The following ADPRM variants were observed in gnomAD, a reference collection of about 807,000 sequenced individuals.
ADPRM encodes manganese-dependent ADP-ribose/CDP-alcohol diphosphatase.
ADPRM carries 17 observed loss-of-function variants against 27.2 expected under a neutral mutation model. The observed-to-expected ratio is 0.63, with a 90% CI of 0.43 to 0.94. The LOEUF is 0.94. ADPRM is among the 40% of genes least tolerant of loss of function. The probability of loss-of-function intolerance (pLI) is 0.00; values close to 1 mark genes in which losing one functional copy is unlikely to be tolerated. For synonymous variants in ADPRM, 135 were observed against 145.3 expected (o/e 0.93, Z 0.51); for missense variants, 337 against 412.8 (o/e 0.82, Z 1.59).
intron 3 of ADPRM, among the ~76,000 whole-genome samples, chr17:10,709,410 C>T (rs1035810030): frequency 6.6e-6 from 1 of 152,130 alleles, no homozygotes; most frequent in African/African-American, 2.4e-5. Flanking sequence ...ATCACCAGTG[C>T]ATTCAGTATA....
chr17:10,706,591 A>C, intron 3 of ADPRM, 37 bp downstream of exon 3: 1 of 1,423,144 alleles, frequency 7.0e-7, no homozygotes, highest in Non-Finnish European at 9.4e-7. Context: ...CTAACATTTT[A>C]GAGATTGGGA....
chr17:10,699,611 G>A (rs948916451), intron 1 of ADPRM, among the ~76,000 whole-genome samples: 7 of 138,924 alleles, frequency 5.0e-5, no homozygotes, highest in Admixed American at 2.4e-4. Context: ...TGCAACCTCC[G>A]CCTCCTGGGT....
chr17:10,710,191 T>C (rs989994403), intron 3 of ADPRM, among the ~76,000 whole-genome samples: 3 of 152,172 alleles, frequency 2.0e-5, no homozygotes, highest in Non-Finnish European at 4.4e-5. Context: ...AACCTCCACC[T>C]CCCGGGTTCA....
intron 1 of ADPRM, among the ~76,000 whole-genome samples, chr17:10,701,621 G>A (rs528728157): frequency 1.3e-5 from 2 of 152,258 alleles, no homozygotes; most frequent in Admixed American, 6.5e-5. Context: ...GAGCCACCAC[G>A]CCTGGCCTAT....
At chr17:10,710,058 A>G (rs1022589440) in intron 3 of ADPRM, among the ~76,000 whole-genome samples, 1 of 151,998 alleles carries the variant, frequency 6.6e-6, no homozygotes, top group East Asian at 1.9e-4. Context: ...TCAATGACAC[A>G]TAATCCATGG....
At chr17:10,704,071 TG>T (rs1184804510) in intron 1 of ADPRM, among the ~76,000 whole-genome samples, 4 of 152,072 alleles carry the variant, frequency 2.6e-5, no homozygotes, top group Non-Finnish European at 5.9e-5. Context: ...GGGCTGGGTG[TG>T]GTGTCTCTTA....
At chr17:10,700,758 T>C (rs2151461554) in intron 1 of ADPRM, among the ~76,000 whole-genome samples, 1 of 146,746 alleles carries the variant, frequency 6.8e-6, no homozygotes, top group Admixed American at 6.8e-5. Context: ...AGCCAGACCC[T>C]GTCTCAGGAA....
intron 1 of ADPRM, 151 bp from the exon 2 acceptor site, chr17:10,704,759 C>A: frequency 1.7e-6 from 1 of 600,472 alleles, no homozygotes; most frequent in Non-Finnish European, 2.9e-6. Flanking sequence ...TAGTTTAGAC[C>A]TAAGACTGTT....
At position 10,710,964 on chromosome 17, in the gene ADPRM, C is replaced by T; in HGVS notation, c.849C>T (p.Gly283=). ...TTGCTGGTCACACCCATGATGGTGG[C>T]TACTCTGAGGATCCTTTTGGTGTAT... The part of the protein sequence containing the change: ...CFFAGHTHDG[G]YSEDPFGVYH... Residue 283 remains glycine, a synonymous_variant, in exon 4 of 4, where the codon GGC becomes GGT. Transcript: ENST00000379774. 1 of 1,614,146 alleles carries T rather than the reference C, an allele frequency of 6.2e-7. No individual in the cohort carries two copies. The highest frequency in any genetic ancestry group is 8.5e-7 in the Non-Finnish European group (1 of 1,180,038).
Position 10,705,605 on chromosome 17 carries a change from G to A in ADPRM, c.601+78G>A. ...GCTACCTTTTATTCAGCAGGAAGAT[G>A]GACAATTAAGGTAAAAGTATATTGT... On this transcript the variant is annotated intron_variant, in intron 2 of 3. Coordinates refer to ENST00000379774, the MANE Select transcript of ADPRM (RefSeq NM_020233.5). This position sits in a 1 kb window ranked among gnomAD's most constrained non-coding sequence, Gnocchi z 5.4. 2 of 1,536,000 alleles carry A rather than the reference G, an allele frequency of 1.3e-6. No homozygotes were observed. The highest frequency in any genetic ancestry group is 1.7e-6 in the Non-Finnish European group (2 of 1,145,916).
chr17:10,702,630 C>T lies in ADPRM; in HGVS notation c.-17-2280C>T, dbSNP rs1321284207. On this transcript the variant is annotated intron_variant, in intron 1 of 3. Coordinates refer to ENST00000379774, the MANE Select transcript of ADPRM (RefSeq NM_020233.5). The surrounding 1 kb of genome is among the most constrained non-coding windows in gnomAD (Gnocchi z 4.2). ...ATCAGCGTTTGTAGTAGTGGCAGTG[C>T]CTGTCCCAGGGCTGATGCTTATTGT... Among the ~76,000 whole-genome samples, 1 of 152,156 alleles carries T rather than the reference C, an allele frequency of 6.6e-6. No individual in the cohort carries two copies. The highest frequency in any genetic ancestry group is 1.5e-5 in the Non-Finnish European group (1 of 68,034).
At chr17:10,704,486 CA>C (rs201571510) in intron 1 of ADPRM, among the ~76,000 whole-genome samples, 1,106 of 76,744 alleles carry the variant, frequency 0.014, 5 homozygotes, top group African/African-American at 0.039. Context: ...CACAGCTTTC[CA>C]AAAAAAAAAA....
chr17:10,698,828 G>T (rs777965104), intron 1 of ADPRM, among the ~76,000 whole-genome samples: 1 of 152,124 alleles, frequency 6.6e-6, no homozygotes, highest in African/African-American at 2.4e-5. Context: ...CTGTGGGTAG[G>T]ATTTTTGCTC....
At chr17:10,704,029 G>GA (rs1422648316) in intron 1 of ADPRM, among the ~76,000 whole-genome samples, 5 of 151,050 alleles carry the variant, frequency 3.3e-5, no homozygotes, top group Admixed American at 2.0e-4. Flanking sequence ...AAGTTAAAAA[G>GA]AAAAAAAAAT....
chr17:10,705,117 G>A lies in ADPRM; in HGVS notation c.191G>A (p.Ser64Asn). The change falls in exon 2 of 4, where the codon AGC becomes AAC. Residue 64 changes from serine to asparagine, a missense_variant. Physicochemically the swap from Ser to Asn is conservative, Grantham distance 46. Transcript: ENST00000379774. This position sits in a 1 kb window ranked among gnomAD's most constrained non-coding sequence, Gnocchi z 5.4. ...ATTGAAGACTGGAATAATGAAAGCA[G>A]CATGCCCTGTTGTGTCCTTCAGCTT... ...GAIEDWNNESSMPCCVLQLGD... is the reference protein window; with the variant it reads ...GAIEDWNNESNMPCCVLQLGD... 2 of 1,614,132 alleles carry A rather than the reference G, an allele frequency of 1.2e-6. No individual in the cohort carries two copies. Among genetic ancestry groups the A allele is most frequent in the Non-Finnish European group, 1.7e-6 (2 of 1,180,016 alleles).
chr17:10,704,550 G>A (rs1192094669), intron 1 of ADPRM, among the ~76,000 whole-genome samples: 1 of 151,886 alleles, frequency 6.6e-6, no homozygotes, highest in Admixed American at 6.6e-5. Flanking sequence ...TGGGACAGGG[G>A]TATATGTGTG....
At chr17:10,699,278 A>T (rs1353532038) in intron 1 of ADPRM, 1 of 152,096 alleles carries the variant, frequency 6.6e-6, no homozygotes, top group Non-Finnish European at 1.5e-5. Flanking sequence ...CTAAAAAATA[A>T]ATAAAATAAA....
At chr17:10,707,792 TTTTCA>T (rs1421169573) in intron 3 of ADPRM, among the ~76,000 whole-genome samples, 1 of 152,194 alleles carries the variant, frequency 6.6e-6, no homozygotes, top group Admixed American at 6.5e-5. Flanking sequence ...TAGATTTGTA[TTTTCA>T]TATAGAATCA....
At chr17:10,704,873 G>A (rs1426714408) in intron 1 of ADPRM, 37 bp from the exon 2 acceptor site, 8 of 1,442,354 alleles carry the variant, frequency 5.5e-6, no homozygotes, top group Admixed American at 4.5e-5. Context: ...AAATTAAAAC[G>A]TTTATAATTT....
Sources: allele counts gnomAD v4.1 joint callset (sites outside exome capture counted in the v4.1 genomes callset), GRCh38; gene constraint gnomAD v4.1.1; non-coding constraint Gnocchi (gnomAD v3.1); transcripts MANE v1.5; gene names NCBI Gene and HGNC (gene_info 2026-07-23, HGNC 2026-07-21).